PTPRR: variants seen among roughly 807,000 people sequenced by gnomAD.
PTPRR encodes receptor-type tyrosine-protein phosphatase R.
A neutral mutation model predicts 77.2 loss-of-function variants in PTPRR; 38 were observed. The observed-to-expected ratio is 0.49, with a 90% CI of 0.38 to 0.65. The LOEUF (loss-of-function observed/expected upper bound fraction) is 0.65. Among genes scored for constraint, PTPRR ranks in the 30% least tolerant of loss-of-function variants. The pLI, the probability that PTPRR is intolerant of heterozygous loss-of-function variation, is 0.00. For missense variants in PTPRR, 744 were observed against 799.2 expected, an observed-to-expected ratio of 0.93 and a Z score of 0.83; for synonymous variants, 299 against 283.1, an observed-to-expected ratio of 1.06 and a Z score of -0.57.
In PTPRR at chr12:70,795,913, A is replaced by ATTTTTTTTTTTTTTTTTTTTTTTTTT. The variant is rs71437157; in HGVS notation, c.358-31161_358-31136dup. Among the ~76,000 whole-genome samples the ATTTTTTTTTTTTTTTTTTTTTTTTTT allele has an allele frequency of 2.7e-4, 24 of 88,356 alleles. 12 individuals carry two copies. Among genetic ancestry groups the ATTTTTTTTTTTTTTTTTTTTTTTTTT allele is most frequent in the Non-Finnish European group, 2.6e-4 (12 of 45,284 alleles). The allele number at this position is 88,356 out of a possible 152,430, so 58.0% of individuals were successfully genotyped here. A position where few individuals can be genotyped will look rare whatever the true frequency, so the allele number is the denominator to read the frequency against. ...TATATGTTCAAAATGTATTTAGTAGATTTTTTTTTTTTTTTTTTTTTTTTT... is the reference window on the plus strand; with the variant it reads ...TATATGTTCAAAATGTATTTAGTAGATTTTTTTTTTTTTTTTTTTTTTTTTTTTTTTTTTTTTTTTTTTTTTTTTTT... On this transcript the variant is annotated intron_variant, in intron 2 of 13. Transcript: ENST00000283228.
chr12:70,899,039 T>C (rs917083216), intron 1 of PTPRR, among the ~76,000 whole-genome samples: 6 of 151,494 alleles, frequency 4.0e-5, no homozygotes, highest in African/African-American at 1.5e-4. Flanking sequence ...ATAAATAATC[T>C]AAATTGTGCT....
intron 2 of PTPRR, among the ~76,000 whole-genome samples, chr12:70,866,652 A>G (rs2137085291): frequency 6.6e-6 from 1 of 152,332 alleles, no homozygotes; most frequent in Non-Finnish European, 1.5e-5. Flanking sequence ...AATCAATAGA[A>G]AAAGAGGGAA....
chr12:70,918,471 T>C (rs1893806469), intron 1 of PTPRR, among the ~76,000 whole-genome samples: 1 of 152,176 alleles, frequency 6.6e-6, no homozygotes, highest in Non-Finnish European at 1.5e-5. Flanking sequence ...GAAGTAGAGA[T>C]GGATTGGATT....
At position 70,913,321 on chromosome 12, in the gene PTPRR, G is replaced by T. The variant is rs1893727456; in HGVS notation, c.58+7012C>A. Among the ~76,000 whole-genome samples, 2 of 152,068 alleles carry T rather than the reference G, an allele frequency of 1.3e-5. 1 individual carries two copies. The highest frequency in any genetic ancestry group is 4.1e-4 in the South Asian group (2 of 4,826). ...TTCAGACATTTTGTGTGATGATTTG[G>T]TTTTTAATTCAGAGAGAAAAGGAGG... On this transcript the variant is annotated intron_variant, in intron 1 of 13. Transcript: ENST00000283228.
intron 6 of PTPRR, among the ~76,000 whole-genome samples, chr12:70,725,890 T>C (rs777672750): frequency 1.6e-4 from 24 of 152,120 alleles, no homozygotes; most frequent in East Asian, 1.9e-4. Context: ...ACAGCCCTGG[T>C]TGAAGGTAAA....
intron 6 of PTPRR, among the ~76,000 whole-genome samples, chr12:70,719,257 C>T (rs576843647): frequency 1.3e-5 from 2 of 152,246 alleles, no homozygotes; most frequent in African/African-American, 4.8e-5. Flanking sequence ...TTTCCCTCTT[C>T]TAATCATGCT....
intron 1 of PTPRR, among the ~76,000 whole-genome samples, chr12:70,897,427 G>T (rs940494927): frequency 3.9e-5 from 6 of 151,952 alleles, no homozygotes; most frequent in African/African-American, 1.5e-4. Context: ...CTGGCCATCA[G>T]AGAAATGCAA....
chr12:70,793,736 A>G (rs573325698), intron 2 of PTPRR, among the ~76,000 whole-genome samples: 10 of 152,208 alleles, frequency 6.6e-5, no homozygotes, highest in Non-Finnish European at 1.2e-4. Flanking sequence ...TCCAACTTAC[A>G]GTTCTGATTT....
In PTPRR at chr12:70,775,772, A is replaced by G. The variant is rs546611873; in HGVS notation, c.358-10994T>C. ...AAGAAATCCATCCACTTCTAACTCA[A>G]ATGTGCCCCCCAACCCTTTTTTTTT... is the stretch of plus-strand genomic sequence containing the variant. On this transcript the variant is annotated intron_variant, in intron 2 of 13. Transcript: ENST00000283228. Among the ~76,000 whole-genome samples the G allele has an allele frequency of 6.6e-4, 101 of 151,920 alleles. 1 individual carries two copies. Among genetic ancestry groups the G allele is most frequent in the African/African-American group, 2.2e-3 (91 of 41,440 alleles).
chr12:70,852,255 A>G (rs1317882101), intron 2 of PTPRR, among the ~76,000 whole-genome samples: 2 of 152,200 alleles, frequency 1.3e-5, no homozygotes, highest in Non-Finnish European at 2.9e-5. Flanking sequence ...GGACAAATCA[A>G]TTATTCAAAT....
At position 70,872,880 on chromosome 12, in the gene PTPRR, T is replaced by C. The variant is rs139354807; in HGVS notation, c.357+19799A>G. On this transcript the variant is annotated intron_variant, in intron 2 of 13. Coordinates refer to ENST00000283228, the MANE Select transcript of PTPRR (RefSeq NM_002849.4). ...ATCCAGTGATGTCTGATGTTCCTAC[T>C]AGAAGAAATATAACAATGAACTTTA... Among the ~76,000 whole-genome samples, 26 of 152,220 alleles carry C rather than the reference T, an allele frequency of 1.7e-4. No individual in the cohort carries two copies. In the East Asian group the frequency reaches 4.6e-3, roughly 27 times the overall value.
At chr12:70,798,196 T>C (rs1379332892) in intron 2 of PTPRR, among the ~76,000 whole-genome samples, 4 of 152,166 alleles carry the variant, frequency 2.6e-5, no homozygotes, top group Non-Finnish European at 5.9e-5. Flanking sequence ...CTGTGAATCA[T>C]GTTCTTCCCT....
At chr12:70,919,204 C>G (rs1460249666) in intron 1 of PTPRR, among the ~76,000 whole-genome samples, 1 of 152,120 alleles carries the variant, frequency 6.6e-6, no homozygotes, top group Admixed American at 6.5e-5. Context: ...AATTTCAGAA[C>G]AATTATTTTT....
At chr12:70,641,085 A>G (rs1248779578) in intron 13 of PTPRR, among the ~76,000 whole-genome samples, 1 of 152,174 alleles carries the variant, frequency 6.6e-6, no homozygotes, top group Non-Finnish European at 1.5e-5. Context: ...TAGCTGTGTG[A>G]TGACATCTGG....
chr12:70,866,669 C>T (rs1301035057), intron 2 of PTPRR, among the ~76,000 whole-genome samples: 1 of 152,192 alleles, frequency 6.6e-6, no homozygotes, highest in Admixed American at 6.5e-5. Flanking sequence ...GGAATCCTCC[C>T]TAACTCATTT....
intron 2 of PTPRR, among the ~76,000 whole-genome samples, chr12:70,771,175 TA>T (rs1890966749): frequency 7.1e-6 from 1 of 141,156 alleles, no homozygotes; most frequent in East Asian, 2.0e-4. Flanking sequence ...TAAAAAAAAA[TA>T]AAAATAAAAA....
intron 6 of PTPRR, among the ~76,000 whole-genome samples, chr12:70,726,581 ATTTTT>A (rs148966922): frequency 4.3e-5 from 6 of 139,640 alleles, no homozygotes; most frequent in Non-Finnish European, 3.1e-5. Context: ...TCTGCATTTA[ATTTTT>A]TTTTTTTTTT....
chr12:70,670,150 A>G lies in PTPRR; in HGVS notation c.1498-7545T>C, dbSNP rs923458758. Among the ~76,000 whole-genome samples, 32 of 152,196 alleles carry G rather than the reference A, an allele frequency of 2.1e-4. 1 individual carries two copies. Among genetic ancestry groups the G allele is most frequent in the Non-Finnish European group, 1.5e-4 (10 of 68,020 alleles). ...AAGTCAAGTAGTTTAACTCAGATGA[A>G]AGATGCATGTAAATGTAGAGAAAGA... On this transcript the variant is annotated intron_variant, in intron 10 of 13. Transcript: ENST00000283228.
intron 2 of PTPRR, among the ~76,000 whole-genome samples, chr12:70,806,745 A>G (rs571187557): frequency 3.5e-4 from 54 of 152,132 alleles, no homozygotes; most frequent in African/African-American, 1.3e-3. Flanking sequence ...CATTTCCTTT[A>G]CCAAATCTTA....
Sources: gnomAD v4.1 joint callset for allele counts (sites outside exome capture counted in the v4.1 genomes callset) on GRCh38, gnomAD v4.1.1 for gene constraint, MANE v1.5 for transcripts, NCBI Gene and HGNC (gene_info 2026-07-23, HGNC 2026-07-21) for gene names.